ANXA10: variants seen among roughly 807,000 people sequenced by gnomAD.
ANXA10 encodes annexin A10.
A neutral mutation model predicts 53.5 loss-of-function variants in ANXA10; 49 were observed. That is an observed-to-expected ratio of 0.92 (90% CI 0.73 to 1.16). The LOEUF (loss-of-function observed/expected upper bound fraction) is 1.16. ANXA10 is among the 50% of genes most tolerant of loss of function. ANXA10 has a pLI of 0.00. For missense variants in ANXA10, 393 were observed against 394.4 expected, an observed-to-expected ratio of 1.00 and a Z score of 0.03; for synonymous variants, 131 against 128.9, an observed-to-expected ratio of 1.02 and a Z score of -0.11.
In ANXA10 at chr4:168,136,632, C is replaced by A. The variant is rs567490848; in HGVS notation, c.101-2854C>A. Among the ~76,000 whole-genome samples the A allele has an allele frequency of 3.9e-5, 6 of 152,306 alleles. 1 individual carries two copies. Among genetic ancestry groups the A allele is most frequent in the Admixed American group, 3.9e-4 (6 of 15,312 alleles). ...GGTGGGCTCCCAAGGCCTCAGGAAGCTCCGCCCCCATGGCTCTGCAGAGCT... is the reference window on the plus strand; with the variant it reads ...GGTGGGCTCCCAAGGCCTCAGGAAGATCCGCCCCCATGGCTCTGCAGAGCT... On this transcript the variant is annotated intron_variant, in intron 2 of 11. Coordinates refer to ENST00000359299, the MANE Select transcript of ANXA10 (RefSeq NM_007193.5).
intron 3 of ANXA10, among the ~76,000 whole-genome samples, chr4:168,153,812 T>C (rs1388027585): frequency 6.6e-6 from 1 of 152,206 alleles, no homozygotes; most frequent in African/African-American, 2.4e-5. Context: ...GGAACATATT[T>C]AGAATCTCTT....
In ANXA10 at chr4:168,166,334, AT is replaced by A. The variant is rs200492862; in HGVS notation, c.480+1011del. Among the ~76,000 whole-genome samples the A allele has an allele frequency of 9.8e-3, 1,489 of 152,332 alleles. 19 individuals carry two copies. The highest frequency in any genetic ancestry group is 0.034 in the African/African-American group (1,406 of 41,570). ...CTTCAAGTTAAAAATAGATTTTATC[AT>A]TTATGTTTCTGTACTGGCTAAATGA... is the stretch of plus-strand genomic sequence containing the variant. On this transcript the variant is annotated intron_variant, in intron 6 of 11. Coordinates refer to ENST00000359299, the MANE Select transcript of ANXA10 (RefSeq NM_007193.5).
At chr4:168,123,062 G>A (rs893697501) in intron 1 of ANXA10, among the ~76,000 whole-genome samples, 1 of 152,188 alleles carries the variant, frequency 6.6e-6, no homozygotes. Flanking sequence ...GGTTTTGAGA[G>A]CTTATAGCCT....
chr4:168,093,125 G>A (rs1278576262), intron 1 of ANXA10, among the ~76,000 whole-genome samples: 1 of 151,914 alleles, frequency 6.6e-6, no homozygotes. Context: ...ATCCCACAGA[G>A]GCAAGTTACT....
rs1421257830 is a variant in ANXA10 at position 168,164,242 on chromosome 4, A to C, written c.354A>C (p.Ser118=). The change falls in exon 5 of 12, where the codon TCA becomes TCC. Residue 118 remains serine (S), a synonymous_variant. Coordinates refer to ENST00000359299, the MANE Select transcript of ANXA10 (RefSeq NM_007193.5). ...DENCLIEILA[S]RTNGEIFQMR... ...ATTGCCTCATTGAAATACTAGCTTC[A>C]AGAACAAATGGAGAAATTTTCCAGA... 1 of 1,613,366 alleles carries C rather than the reference A, an allele frequency of 6.2e-7. No individual in the cohort carries two copies. The highest frequency in any genetic ancestry group is 2.2e-5 in the East Asian group (1 of 44,854).
intron 11 of ANXA10, 27 bp downstream of exon 11, chr4:168,184,708 G>C (rs1732330957): frequency 6.2e-7 from 1 of 1,608,282 alleles, no homozygotes; most frequent in South Asian, 1.1e-5. Context: ...TGATTTATTT[G>C]GACCCACATT....
intron 3 of ANXA10, among the ~76,000 whole-genome samples, chr4:168,156,103 AAATATTATATTTATTTATAT>A (rs1560784302): frequency 5.1e-5 from 3 of 59,278 alleles, no homozygotes; most frequent in African/African-American, 7.4e-5. Flanking sequence ...TATTATATAT[AAATATTATATTTATTTATAT>A]TTATATATAT....
intron 11 of ANXA10, among the ~76,000 whole-genome samples, chr4:168,186,094 C>A (rs1365498028): frequency 6.6e-6 from 1 of 152,210 alleles, no homozygotes; most frequent in East Asian, 1.9e-4. Flanking sequence ...TATAATTAAT[C>A]ACAACCGACT....
At chr4:168,178,806 T>C (rs1258078437) in intron 8 of ANXA10, among the ~76,000 whole-genome samples, 3 of 152,222 alleles carry the variant, frequency 2.0e-5, no homozygotes, top group African/African-American at 7.2e-5. Flanking sequence ...TTTGCTATTT[T>C]AATCATCACA....
At chr4:168,152,901 C>T (rs890418979) in intron 3 of ANXA10, among the ~76,000 whole-genome samples, 3 of 151,616 alleles carry the variant, frequency 2.0e-5, no homozygotes, top group East Asian at 1.9e-4. Context: ...TAGAGTGCCA[C>T]GGGACAATCA....
intron 10 of ANXA10, among the ~76,000 whole-genome samples, chr4:168,182,485 C>T (rs950622632): frequency 6.7e-6 from 1 of 149,760 alleles, no homozygotes; most frequent in Non-Finnish European, 1.5e-5. Flanking sequence ...TACCCGCCAC[C>T]ACACCCGGCT....
At chr4:168,126,681 C>A (rs770185236) in intron 1 of ANXA10, among the ~76,000 whole-genome samples, 3 of 152,120 alleles carry the variant, frequency 2.0e-5, no homozygotes, top group Non-Finnish European at 2.9e-5. Context: ...ATATTTATTT[C>A]TGTTTTGTTT....
At chr4:168,135,111 G>A (rs553054923) in intron 2 of ANXA10, among the ~76,000 whole-genome samples, 1 of 152,222 alleles carries the variant, frequency 6.6e-6, no homozygotes, top group Non-Finnish European at 1.5e-5. Flanking sequence ...CAAGAAGGGA[G>A]AGAGAGTGAA....
chr4:168,166,842 C>A (rs746679040), intron 6 of ANXA10, among the ~76,000 whole-genome samples: 3 of 151,838 alleles, frequency 2.0e-5, no homozygotes, highest in Admixed American at 1.3e-4. Context: ...GATTTCAATG[C>A]CTTTTAAAAA....
At chr4:168,179,122 T>G in intron 8 of ANXA10, 95 bp from the exon 9 acceptor site, 1 of 778,112 alleles carries the variant, frequency 1.3e-6, no homozygotes, top group Non-Finnish European at 2.1e-6. Flanking sequence ...TTTAATTATT[T>G]TATGGAAAAT....
chr4:168,130,897 C>G (rs554410146), intron 2 of ANXA10, among the ~76,000 whole-genome samples: 18 of 151,572 alleles, frequency 1.2e-4, no homozygotes, highest in African/African-American at 4.1e-4. Flanking sequence ...TTTCCTTAAC[C>G]TAGCTAAAGC....
chr4:168,099,705 T>C (rs536364251), intron 1 of ANXA10, among the ~76,000 whole-genome samples: 1 of 152,246 alleles, frequency 6.6e-6, no homozygotes, highest in East Asian at 1.9e-4. Flanking sequence ...ATGCTTGGTT[T>C]TCCTTCAAGA....
intron 6 of ANXA10, among the ~76,000 whole-genome samples, chr4:168,172,506 T>C (rs572964269): frequency 2.0e-5 from 3 of 152,350 alleles, no homozygotes; most frequent in South Asian, 2.1e-4. Flanking sequence ...TGAAGTCTGC[T>C]ATCTAAAGTT....
At chr4:168,105,898 C>A (rs1274227988) in intron 1 of ANXA10, among the ~76,000 whole-genome samples, 1 of 152,036 alleles carries the variant, frequency 6.6e-6, no homozygotes, top group Non-Finnish European at 1.5e-5. Context: ...TGCTTCTTAG[C>A]CACATATATG....
Sources: allele counts gnomAD v4.1 joint callset (sites outside exome capture counted in the v4.1 genomes callset), GRCh38; gene constraint gnomAD v4.1.1; transcripts MANE v1.5; gene names NCBI Gene and HGNC (gene_info 2026-07-23, HGNC 2026-07-21).